Variants in NOC3L observed in about 807,000 individuals in gnomAD.
The protein encoded by NOC3L is nucleolar complex protein 3 homolog.
In NOC3L, 85 loss-of-function variants were observed where a neutral mutation model predicts 102.5. That is an observed-to-expected ratio of 0.83 (90% CI 0.70 to 0.99). The LOEUF (loss-of-function observed/expected upper bound fraction) is 0.99, where lower values mean the gene tolerates loss of function less well. Ranked by LOEUF, NOC3L falls within the 50% of genes least tolerant of loss-of-function variation. NOC3L has a pLI of 0.00. For missense variants in NOC3L, 878 were observed against 914.9 expected (o/e 0.96, Z 0.52); for synonymous variants, 303 against 309.4 (o/e 0.98, Z 0.22).
chr10:94,358,419 T>C (rs1437313386), intron 2 of NOC3L, among the ~76,000 whole-genome samples: 1 of 152,214 alleles, frequency 6.6e-6, no homozygotes, highest in African/African-American at 2.4e-5. Context: ...GAACTACTGA[T>C]ATGCTAGGCA....
the NOC3L span, among the ~76,000 whole-genome samples, chr10:94,319,090 C>T: frequency 1.3e-5 from 2 of 151,968 alleles, no homozygotes; most frequent in African/African-American, 4.8e-5. Flanking sequence ...GTAGGGACCT[C>T]AGGAATATGC....
At chr10:94,339,329 A>G (rs2054255979) in intron 17 of NOC3L, among the ~76,000 whole-genome samples, 1 of 145,708 alleles carries the variant, frequency 6.9e-6, no homozygotes, top group South Asian at 2.1e-4. Context: ...TTGTTAAGCA[A>G]AGAATTAAAT....
intron 10 of NOC3L, among the ~76,000 whole-genome samples, chr10:94,348,837 T>A (rs1256716266): frequency 6.6e-6 from 1 of 152,058 alleles, no homozygotes; most frequent in Non-Finnish European, 1.5e-5. Context: ...ATGGCCAAAA[T>A]GTTCTCAACA....
intron 10 of NOC3L, among the ~76,000 whole-genome samples, chr10:94,347,380 T>C (rs901499368): frequency 6.6e-6 from 1 of 152,182 alleles, no homozygotes; most frequent in Non-Finnish European, 1.5e-5. Context: ...AGGTACTGTA[T>C]GTGCTCAAAA....
intron 7 of NOC3L, 48 bp downstream of exon 7, chr10:94,352,848 A>G: frequency 6.5e-7 from 1 of 1,534,306 alleles, no homozygotes; most frequent in Non-Finnish European, 8.9e-7. Flanking sequence ...TCTCTCCAAA[A>G]TGTTTAGTTA....
chr10:94,320,591 C>A, the NOC3L span, among the ~76,000 whole-genome samples: 5 of 152,300 alleles, frequency 3.3e-5, no homozygotes, highest in Admixed American at 1.3e-4. Flanking sequence ...TTTCAGTAGC[C>A]TGGTCTGGAG....
In NOC3L at chr10:94,344,393, T is replaced by C. The variant is rs747409558; in HGVS notation, c.1571+22A>G. 3.3e-6 allele frequency: 5 copies of C among 1,530,856 alleles called. No homozygotes were observed. In the African/African-American group the frequency reaches 6.9e-5, roughly 21 times the overall value. 94.8% of individuals were successfully genotyped at this position (1,530,856 alleles called of 1,614,324 possible). On this transcript the variant is annotated intron_variant, in intron 13 of 20. Transcript: ENST00000371361. ...TCCTATTTAGAAGGAATCTAAAAGA[T>C]TTCAACCTACACAGCCCTTACTTGG...
intron 2 of NOC3L, 67 bp downstream of exon 2, chr10:94,361,598 T>C (rs1420978924): frequency 6.7e-7 from 1 of 1,498,038 alleles, no homozygotes; most frequent in Admixed American, 1.8e-5. Context: ...AAAGCAAAGT[T>C]ATTTCCATGA....
At chr10:94,344,312 T>G in intron 13 of NOC3L, 103 bp downstream of exon 13, 5 of 630,564 alleles carry the variant, frequency 7.9e-6, no homozygotes, top group Non-Finnish European at 1.4e-5. Context: ...AGAAAAGGAA[T>G]GAGAACTGAG....
At chr10:94,331,655 TAGAG>T (rs2054156713), downstream of NOC3L, 2 of 152,240 alleles carry the variant, frequency 1.3e-5, no homozygotes, top group Admixed American at 1.3e-4. Context: ...CCAAAAAAGT[TAGAG>T]AGAAAAGGGA....
chr10:94,362,782 C>T (rs374524289), intron 1 of NOC3L, 48 bp downstream of exon 1: 7 of 1,611,192 alleles, frequency 4.3e-6, no homozygotes, highest in Non-Finnish European at 5.9e-6. Context: ...GACTCTATCA[C>T]CCGAAGGGGC....
chr10:94,352,968 C>G lies in NOC3L; in HGVS notation c.786G>C (p.Leu262=), dbSNP rs1026235936. 3.1e-6 allele frequency: 5 copies of G among 1,613,736 alleles called. No individual in the cohort carries two copies. Among genetic ancestry groups the G allele is most frequent in the African/African-American group, 2.7e-5 (2 of 74,926 alleles). The change falls in exon 7 of 21, where the codon CTG becomes CTC. Residue 262 remains leucine (L), a synonymous_variant. Coordinates refer to ENST00000371361, the MANE Select transcript of NOC3L (RefSeq NM_022451.11). The part of the protein sequence containing the change: ...VTVRKLVIVS[L]MELFKDITPS... ...GAGTAATATCTTTAAATAACTCCAT[C>G]AGAGAAACAATTACCAGCTTTCGAA...
chr10:94,347,537 T>C (rs1444431323), intron 10 of NOC3L, among the ~76,000 whole-genome samples: 1 of 152,232 alleles, frequency 6.6e-6, no homozygotes, highest in African/African-American at 2.4e-5. Flanking sequence ...ATGCTAAATA[T>C]GCTCTGTTAC....
chr10:94,340,206 C>T, intron 16 of NOC3L, 70 bp downstream of exon 16: 1 of 1,291,942 alleles, frequency 7.7e-7, no homozygotes. Context: ...CATTTGTCTA[C>T]AATGATGGGT....
At chr10:94,362,614 C>T (rs2054564787) in intron 1 of NOC3L, among the ~76,000 whole-genome samples, 1 of 152,156 alleles carries the variant, frequency 6.6e-6, no homozygotes, top group African/African-American at 2.4e-5. Context: ...CCCACGCATG[C>T]AAAACTCCGT....
chr10:94,318,096 G>A, the NOC3L span, among the ~76,000 whole-genome samples: 1 of 152,166 alleles, frequency 6.6e-6, no homozygotes, highest in Admixed American at 6.5e-5. Context: ...CAACTCTAGA[G>A]CCCAGAGCCA....
At chr10:94,317,112 G>A in the NOC3L span, among the ~76,000 whole-genome samples, 10,108 of 152,126 alleles carry the variant, frequency 0.066, 469 homozygotes, top group East Asian at 0.19. Context: ...TTAGCCAGGC[G>A]TGGTGGCAGG....
intron 2 of NOC3L, among the ~76,000 whole-genome samples, chr10:94,360,314 C>CAAA (rs1374151999): frequency 6.7e-6 from 1 of 150,098 alleles, no homozygotes; most frequent in Non-Finnish European, 1.5e-5. Context: ...GACTCCATCT[C>CAAA]AAAAAAAATA....
chr10:94,356,356 A>G (rs1224869959), intron 5 of NOC3L, among the ~76,000 whole-genome samples, 179 bp downstream of exon 5: 2 of 152,210 alleles, frequency 1.3e-5, no homozygotes, highest in Non-Finnish European at 2.9e-5. Context: ...AAAAAAATAA[A>G]GAATCTATTA....
Sources: gnomAD v4.1 joint callset for allele counts (sites outside exome capture counted in the v4.1 genomes callset) on GRCh38, gnomAD v4.1.1 for gene constraint, MANE v1.5 for transcripts, NCBI Gene and HGNC (gene_info 2026-07-23, HGNC 2026-07-21) for gene names.